FAM204A: variants seen among roughly 807,000 people sequenced by gnomAD.
FAM204A encodes the protein family with sequence similarity 204 member A.
FAM204A carries 16 observed loss-of-function variants against 35.4 expected under a neutral mutation model. That is an observed-to-expected ratio of 0.45 (90% confidence interval 0.31 to 0.69). FAM204A has a LOEUF of 0.69. Ranked by LOEUF, FAM204A falls within the 30% of genes least tolerant of loss-of-function variation. The pLI, the probability that FAM204A is intolerant of heterozygous loss-of-function variation, is 0.07. For missense variants in FAM204A, 240 were observed against 265.7 expected (o/e 0.90, Z 0.67); for synonymous variants, 76 against 86.9 (o/e 0.88, Z 0.70).
chr10:118,310,667 T>A lies in FAM204A; in HGVS notation c.*190A>T. The A allele has an allele frequency of 1.8e-6, 1 of 557,208 alleles. No individual in the cohort carries two copies. The highest frequency in any genetic ancestry group is 3.1e-6 in the Non-Finnish European group (1 of 322,002). 34.5% of individuals were successfully genotyped at this position (557,208 alleles called of 1,614,324 possible). On this transcript the variant is annotated 3_prime_UTR_variant, in exon 9 of 9. Coordinates refer to ENST00000369183, the MANE Select transcript of FAM204A (RefSeq NM_022063.3). ...TTTCTTATACAAATAACAGAATGCT[T>A]CATTTTATTCACTTCAATAGGACAA...
At chr10:118,311,140 C>G (rs1451919579) in intron 8 of FAM204A, 67 bp downstream of exon 8, 2 of 1,445,744 alleles carry the variant, frequency 1.4e-6, no homozygotes, top group Non-Finnish European at 1.9e-6. Context: ...AACTAGATCA[C>G]AAAATATATT....
chr10:118,322,231 A>G (rs1846128958), intron 7 of FAM204A: 1 of 410,360 alleles, frequency 2.4e-6, no homozygotes, highest in African/African-American at 2.1e-5. Flanking sequence ...TTATCTCCTA[A>G]CTCCCCACAA....
chr10:118,328,565 T>A (rs1299027352), intron 6 of FAM204A, among the ~76,000 whole-genome samples: 1 of 150,812 alleles, frequency 6.6e-6, no homozygotes, highest in Non-Finnish European at 1.5e-5. Context: ...CAATCTCAGC[T>A]CACTGCAACC....
At chr10:118,330,251 T>C (rs1846268619) in intron 6 of FAM204A, among the ~76,000 whole-genome samples, 1 of 152,216 alleles carries the variant, frequency 6.6e-6, no homozygotes, top group Non-Finnish European at 1.5e-5. Context: ...TTCCTTGCAC[T>C]ACAAATTCTT....
At chr10:118,320,337 T>G (rs138654524) in intron 7 of FAM204A, among the ~76,000 whole-genome samples, 175 of 151,550 alleles carry the variant, frequency 1.2e-3, no homozygotes, top group African/African-American at 4.1e-3. Context: ...ATCTGCTTCC[T>G]TTGTTAAATC....
rs148947700 is a variant in FAM204A, at chr10:118,325,633, G to A, written c.543+521C>T. ...CAGGAGTATAATTCAGAATCTTCTT[G>A]TGGCCTTCTGTACTTGGCAAAAGAA... On this transcript the variant is annotated intron_variant, in intron 7 of 8. Coordinates refer to ENST00000369183, the MANE Select transcript of FAM204A (RefSeq NM_022063.3). Among the ~76,000 whole-genome samples the A allele has an allele frequency of 2.6e-5, 4 of 152,166 alleles. No individual in the cohort carries two copies. The East Asian group carries it at 7.7e-4, about 29-fold the overall frequency.
chr10:118,335,686 A>C (rs2133292244), intron 3 of FAM204A, 45 bp from the exon 4 acceptor site: 1 of 1,355,692 alleles, frequency 7.4e-7, no homozygotes, highest in Non-Finnish European at 1.0e-6. Flanking sequence ...TACTTTCCAG[A>C]AAAACATGCA....
chr10:118,311,338 A>AG lies in FAM204A; in HGVS notation c.544-26_544-25insC, dbSNP rs56706055. The stretch of plus-strand genomic sequence containing the variant: ...GCTAAGAATTACAAAGGAGAAAAAA[A>AG]AAGTGAAAATAAATATTCCAGCTAA... On this transcript the variant is annotated intron_variant, in intron 7 of 8. Coordinates refer to ENST00000369183, the MANE Select transcript of FAM204A (RefSeq NM_022063.3). 16 of 1,548,460 alleles carry AG rather than the reference A, an allele frequency of 1.0e-5. No homozygotes were observed. The South Asian group carries it at 1.9e-4, about 18-fold the overall frequency.
chr10:118,321,128 G>A (rs1362452891), intron 7 of FAM204A, among the ~76,000 whole-genome samples: 2 of 151,514 alleles, frequency 1.3e-5, no homozygotes, highest in Non-Finnish European at 2.9e-5. Context: ...ACTGCTGCTT[G>A]AAAAAAGAAA....
At chr10:118,332,057 C>T (rs1415190352) in intron 6 of FAM204A, among the ~76,000 whole-genome samples, 1 of 148,796 alleles carries the variant, frequency 6.7e-6, no homozygotes, top group Non-Finnish European at 1.5e-5. Context: ...ACCTCTAGTC[C>T]CAGCTACAGG....
intron 2 of FAM204A, among the ~76,000 whole-genome samples, chr10:118,336,943 A>G (rs1264796519): frequency 6.6e-6 from 1 of 152,200 alleles, no homozygotes; most frequent in Non-Finnish European, 1.5e-5. Flanking sequence ...AAGCTACATA[A>G]GTAGTTGGAG....
At chr10:118,317,773 T>C (rs1272142977) in intron 7 of FAM204A, among the ~76,000 whole-genome samples, 1 of 152,078 alleles carries the variant, frequency 6.6e-6, no homozygotes, top group Admixed American at 6.6e-5. Context: ...CTGAATTACC[T>C]GTAAGAACTA....
In FAM204A at chr10:118,308,643, C is replaced by T; in HGVS notation, c.*2214G>A. On this transcript the variant is annotated 3_prime_UTR_variant, in exon 9 of 9. Coordinates refer to ENST00000369183, the MANE Select transcript of FAM204A (RefSeq NM_022063.3). ...GCTTCCTTTATTAGATGAGCCCCCG[C>T]TATACTTAATTCTGCTGAAATGCCT... 1 of 152,276 alleles carries T rather than the reference C, an allele frequency of 6.6e-6. No homozygotes were observed. Among genetic ancestry groups the T allele is most frequent in the Non-Finnish European group, 1.5e-5 (1 of 68,054 alleles). 9.4% of individuals were successfully genotyped at this position (152,276 alleles called of 1,614,324 possible). A position where few individuals can be genotyped will look rare whatever the true frequency, so the allele number is the denominator to read the frequency against.
intron 1 of FAM204A, 139 bp from the exon 2 acceptor site, chr10:118,342,066 C>G (rs996894042): frequency 2.6e-5 from 4 of 152,394 alleles, no homozygotes; most frequent in Admixed American, 1.3e-4. Flanking sequence ...TGCGACGCCC[C>G]TTTCGAGGAA....
chr10:118,321,454 G>C (rs1454081296), intron 7 of FAM204A, among the ~76,000 whole-genome samples: 2 of 151,946 alleles, frequency 1.3e-5, no homozygotes, highest in African/African-American at 4.8e-5. Context: ...ACAGGGCAAA[G>C]AACAGGGCCT....
chr10:118,334,814 TTA>T (rs139056139), intron 6 of FAM204A, among the ~76,000 whole-genome samples: 2,166 of 152,286 alleles, frequency 0.014, 42 homozygotes, highest in African/African-American at 0.049. Flanking sequence ...CTAGCATTCT[TTA>T]TATAGACAGT....
At chr10:118,324,513 G>C (rs1846167825) in intron 7 of FAM204A, among the ~76,000 whole-genome samples, 1 of 152,146 alleles carries the variant, frequency 6.6e-6, no homozygotes, top group Admixed American at 6.6e-5. Context: ...GCCTTAAAAA[G>C]GAAAGGAATT....
At chr10:118,335,295 A>G in intron 5 of FAM204A, 82 bp from the exon 6 acceptor site, 1 of 1,543,116 alleles carries the variant, frequency 6.5e-7, no homozygotes, top group Non-Finnish European at 8.8e-7. Context: ...CTACAATTAT[A>G]CTACAATTAC....
chr10:118,335,159 G>T lies in FAM204A; in HGVS notation c.408C>A (p.Val136=). The T allele has an allele frequency of 1.2e-5, 20 of 1,613,360 alleles. No homozygotes were observed. Among genetic ancestry groups the T allele is most frequent in the Non-Finnish European group, 1.7e-5 (20 of 1,179,722 alleles). The part of the protein sequence containing the change: ...QWKELTQYFG[V]NDRFDPPVKR... ...TAACAGGCGGGTCAAATCTATCATT[G>T]ACTCCAAAATACTGAGTAAGCTCTT... The change falls in exon 6 of 9, where the codon GTC becomes GTA. Residue 136 remains valine (V), a synonymous_variant. Coordinates refer to ENST00000369183, the MANE Select transcript of FAM204A (RefSeq NM_022063.3).
Sources: allele counts gnomAD v4.1 joint callset (sites outside exome capture counted in the v4.1 genomes callset), GRCh38; gene constraint gnomAD v4.1.1; transcripts MANE v1.5; gene names NCBI Gene and HGNC (gene_info 2026-07-23, HGNC 2026-07-21).